Variants in THRB observed in about 807,000 individuals in gnomAD.
THRB encodes thyroid hormone receptor beta.
THRB carries 12 observed loss-of-function variants against 47.8 expected under a neutral mutation model. That is an observed-to-expected ratio of 0.25 (90% CI 0.16 to 0.41). The LOEUF (loss-of-function observed/expected upper bound fraction) is 0.41, where lower values mean the gene tolerates loss of function less well. Ranked by LOEUF, THRB falls within the 10% of genes least tolerant of loss-of-function variation. The pLI, the probability that THRB is intolerant of heterozygous loss-of-function variation, is 1.00. For missense variants in THRB, 348 were observed against 589.2 expected (o/e 0.59, Z 4.24); for synonymous variants, 218 against 212.2 (o/e 1.03, Z -0.24).
At chr3:24,266,907 G>A (rs1225787611) in intron 3 of THRB, among the ~76,000 whole-genome samples, 4 of 152,000 alleles carry the variant, frequency 2.6e-5, no homozygotes, top group Non-Finnish European at 5.9e-5. Flanking sequence ...AGGACAGGAC[G>A]AGGAAGGAAG....
At chr3:24,491,867 T>C (rs571517396) in intron 1 of THRB, among the ~76,000 whole-genome samples, 2 of 152,366 alleles carry the variant, frequency 1.3e-5, no homozygotes, top group East Asian at 3.9e-4. Flanking sequence ...CAAGGTAACA[T>C]GTCAGAAAAA....
At chr3:24,383,841 A>AAT (rs2065883225) in intron 1 of THRB, among the ~76,000 whole-genome samples, 2 of 152,190 alleles carry the variant, frequency 1.3e-5, no homozygotes, top group African/African-American at 4.8e-5. Context: ...TGTGTAGGAA[A>AAT]CAGATTCTCT....
intron 4 of THRB, among the ~76,000 whole-genome samples, chr3:24,191,507 A>G (rs2043338422): frequency 6.6e-6 from 1 of 152,174 alleles, no homozygotes; most frequent in Non-Finnish European, 1.5e-5. Context: ...TGGGGCTTAG[A>G]GAGACATGTC....
At chr3:24,268,765 C>T (rs755856203) in intron 3 of THRB, among the ~76,000 whole-genome samples, 2 of 151,974 alleles carry the variant, frequency 1.3e-5, no homozygotes, top group Non-Finnish European at 1.5e-5. Context: ...GGTGTTAAAG[C>T]TTTGAGTTAT....
At chr3:24,312,946 G>T (rs982950447) in intron 2 of THRB, among the ~76,000 whole-genome samples, 2 of 152,310 alleles carry the variant, frequency 1.3e-5, no homozygotes, top group South Asian at 4.1e-4. Context: ...TCAAAGGGAG[G>T]ATGGTGGCTT....
At chr3:24,228,443 GC>G (rs907175152) in intron 4 of THRB, among the ~76,000 whole-genome samples, 6 of 152,006 alleles carry the variant, frequency 3.9e-5, no homozygotes, top group Non-Finnish European at 7.4e-5. Context: ...AGTATGTAGA[GC>G]CATTTATTAT....
intron 1 of THRB, among the ~76,000 whole-genome samples, chr3:24,446,036 T>C (rs1047961488): frequency 1.3e-5 from 2 of 152,118 alleles, no homozygotes; most frequent in African/African-American, 4.8e-5. Context: ...TGGAAGAAAA[T>C]ATGCCAAAAT....
chr3:24,370,895 C>T (rs1360213221), intron 1 of THRB, among the ~76,000 whole-genome samples: 1 of 152,124 alleles, frequency 6.6e-6, no homozygotes, highest in African/African-American at 2.4e-5. Flanking sequence ...CCAAATCACC[C>T]TTTGACTCAT....
intron 3 of THRB, among the ~76,000 whole-genome samples, chr3:24,235,015 C>T (rs1243325418): frequency 2.6e-5 from 4 of 152,192 alleles, no homozygotes; most frequent in African/African-American, 9.6e-5. Context: ...AGAAAGGCAG[C>T]CCTGCTGCAG....
intron 4 of THRB, among the ~76,000 whole-genome samples, chr3:24,206,832 C>T (rs1226652202): frequency 6.6e-6 from 1 of 152,164 alleles, no homozygotes; most frequent in African/African-American, 2.4e-5. Context: ...ACCCATCCCA[C>T]AGAAATACAA....
intron 3 of THRB, chr3:24,238,137 C>G (rs906687160): frequency 6.6e-6 from 1 of 152,030 alleles, no homozygotes; most frequent in Non-Finnish European, 1.5e-5. Flanking sequence ...TTTGAGGAAA[C>G]GTCTGACAGC....
At position 24,190,599 on chromosome 3, in the gene THRB, T is replaced by G. The variant is rs149678597; in HGVS notation, c.23-265A>C. 9.8e-4 allele frequency among the ~76,000 whole-genome samples: 149 copies of G among 152,254 alleles called. 1 individual carries two copies. Among genetic ancestry groups the G allele is most frequent in the African/African-American group, 3.4e-3 (142 of 41,564 alleles). On this transcript the variant is annotated intron_variant, in intron 4 of 10. Coordinates refer to ENST00000646209, the MANE Select transcript of THRB (RefSeq NM_001354712.2). ...TAGTTCCTGCATGGCAAGGCTGTACTTTCGCCAGTCCCACTTCCACAGCAA... is the reference window on the plus strand; with the variant it reads ...TAGTTCCTGCATGGCAAGGCTGTACGTTCGCCAGTCCCACTTCCACAGCAA...
chr3:24,146,625 G>A, intron 7 of THRB, 50 bp downstream of exon 7: 3 of 1,604,192 alleles, frequency 1.9e-6, no homozygotes, highest in Non-Finnish European at 2.6e-6. Flanking sequence ...GAACCAAACT[G>A]TTTCCTAATC....
At chr3:24,196,291 C>T (rs1263830254) in intron 4 of THRB, among the ~76,000 whole-genome samples, 1 of 151,952 alleles carries the variant, frequency 6.6e-6, no homozygotes, top group Admixed American at 6.6e-5. Flanking sequence ...ATGGCTCATC[C>T]CTTATATTTC....
intron 4 of THRB, among the ~76,000 whole-genome samples, chr3:24,220,016 G>A (rs534885601): frequency 2.6e-5 from 4 of 152,298 alleles, no homozygotes; most frequent in Non-Finnish European, 4.4e-5. Flanking sequence ...CCAGACACTG[G>A]TATTTTTTAA....
intron 5 of THRB, among the ~76,000 whole-genome samples, chr3:24,178,694 C>G (rs2041491895): frequency 6.6e-6 from 1 of 152,136 alleles, no homozygotes; most frequent in Non-Finnish European, 1.5e-5. Context: ...ACTCCATGAT[C>G]TCCACTATAT....
intron 5 of THRB, among the ~76,000 whole-genome samples, chr3:24,156,699 G>A (rs1242987666): frequency 2.0e-5 from 3 of 152,126 alleles, no homozygotes; most frequent in Non-Finnish European, 2.9e-5. Context: ...ATCTTGGGAC[G>A]GGATAGAGGA....
At chr3:24,199,314 T>C (rs1318567058) in intron 4 of THRB, among the ~76,000 whole-genome samples, 1 of 152,218 alleles carries the variant, frequency 6.6e-6, no homozygotes, top group East Asian at 1.9e-4. Flanking sequence ...TCTTGCAAAA[T>C]TAGCCTCTTT....
In THRB at chr3:24,449,706, C is replaced by A. The variant is rs531498619; in HGVS notation, c.-261+44946G>T. Among the ~76,000 whole-genome samples the A allele has an allele frequency of 1.3e-3, 197 of 152,156 alleles. 2 individuals carry two copies. The South Asian group carries it at 0.04, about 31-fold the overall frequency. On this transcript the variant is annotated intron_variant, in intron 1 of 10. Transcript: ENST00000646209. ...CAAAGAATATTAGCCTTATCTTTTCCCTAAATACTATATATGTGAGACTAT... is the reference window on the plus strand; with the variant it reads ...CAAAGAATATTAGCCTTATCTTTTCACTAAATACTATATATGTGAGACTAT...
Sources: allele counts gnomAD v4.1 joint callset (sites outside exome capture counted in the v4.1 genomes callset), GRCh38; gene constraint gnomAD v4.1.1; transcripts MANE v1.5; gene names NCBI Gene and HGNC (gene_info 2026-07-23, HGNC 2026-07-21).